PATJ: variants seen among roughly 807,000 people sequenced by gnomAD.
PATJ encodes inaD-like protein.
Under a neutral mutation model 224.9 loss-of-function variants are expected in PATJ, and 190 were observed. The observed-to-expected ratio is 0.84, with a 90% CI of 0.75 to 0.95. PATJ has a LOEUF of 0.95. Among genes scored for constraint, PATJ ranks in the 40% least tolerant of loss-of-function variants. The pLI, the probability that PATJ is intolerant of heterozygous loss-of-function variation, is 0.00. For synonymous variants in PATJ, 769 were observed against 820.3 expected (o/e 0.94, Z 1.07); for missense variants, 2,121 against 2,270.3 (o/e 0.93, Z 1.34).
chr1:62,146,526 T>C (rs780282155), intron 41 of PATJ, among the ~76,000 whole-genome samples: 23 of 152,038 alleles, frequency 1.5e-4, no homozygotes, highest in African/African-American at 5.3e-4. Context: ...CTGTAATCCC[T>C]GCACTCTGGG....
chr1:61,926,455 G>T (rs556892461), intron 26 of PATJ, among the ~76,000 whole-genome samples: 1 of 152,090 alleles, frequency 6.6e-6, no homozygotes, highest in Admixed American at 6.6e-5. Flanking sequence ...GGCTGTCTTT[G>T]TTCTGAGTAT....
chr1:62,012,347 C>T (rs1269753688), intron 28 of PATJ, among the ~76,000 whole-genome samples: 1 of 152,134 alleles, frequency 6.6e-6, no homozygotes, highest in Non-Finnish European at 1.5e-5. Flanking sequence ...AATCATACCC[C>T]AGTTGTTCTG....
chr1:61,883,650 G>A (rs758605064), intron 21 of PATJ, among the ~76,000 whole-genome samples: 112 of 151,726 alleles, frequency 7.4e-4, no homozygotes, highest in Non-Finnish European at 4.7e-4. Flanking sequence ...AGCTACTCAG[G>A]AGGCTGGGGC....
In PATJ at chr1:61,827,430, C is replaced by T; in HGVS notation, c.1827C>T (p.Gly609=). 6.2e-7 allele frequency: 1 copy of T among 1,613,784 alleles called. No individual in the cohort carries two copies. The highest frequency in any genetic ancestry group is 1.1e-5 in the South Asian group (1 of 91,018). Residue 609 remains glycine, a synonymous_variant, in exon 16 of 44, where the codon GGC becomes GGT. Coordinates refer to ENST00000642238, the MANE Select transcript of PATJ (RefSeq NM_001350145.3). ...QPEDELLEVN[G]MQLYGKSRRE... ...TCCCCTTGTCTTCCTAGGTCAATGGCATGCAGCTTTATGGAAAATCTCGCC... is the reference window on the plus strand; with the variant it reads ...TCCCCTTGTCTTCCTAGGTCAATGGTATGCAGCTTTATGGAAAATCTCGCC...
intron 33 of PATJ, among the ~76,000 whole-genome samples, chr1:62,098,307 C>T (rs562214412): frequency 1.1e-4 from 16 of 146,498 alleles, no homozygotes; most frequent in Admixed American, 2.1e-4. Context: ...TGCAGTGAGC[C>T]GAGATTGCAC....
intron 26 of PATJ, among the ~76,000 whole-genome samples, chr1:61,922,923 A>G: frequency 6.6e-6 from 1 of 152,270 alleles, no homozygotes; most frequent in East Asian, 1.9e-4. Flanking sequence ...TGAACTTGTT[A>G]CTACTCCAGC....
In PATJ at chr1:62,123,061, A is replaced by C. The variant is rs769202578; in HGVS notation, c.5043+3A>C. The C allele has an allele frequency of 6.3e-7, 1 of 1,592,066 alleles. No individual in the cohort carries two copies. Among genetic ancestry groups the C allele is most frequent in the Non-Finnish European group, 8.6e-7 (1 of 1,165,474 alleles). Reference sequence around the variant, plus strand: ...CAAGGACTGTTGAGATAAACAGGGTAAGTCAGTCATTTTGCTGTATGTATT... The same window carrying C: ...CAAGGACTGTTGAGATAAACAGGGTCAGTCAGTCATTTTGCTGTATGTATT... On this transcript the variant is annotated splice_donor_region_variant and intron_variant, in intron 39 of 43. Transcript: ENST00000642238.
At chr1:61,914,561 C>A (rs754279158) in intron 25 of PATJ, 26 bp from the exon 26 acceptor site, 3 of 1,140,684 alleles carry the variant, frequency 2.6e-6, no homozygotes, top group Non-Finnish European at 3.8e-6. Context: ...GTTTTCTTCC[C>A]CCCACCCCTT....
At chr1:61,753,024 C>G (rs538379756) in intron 1 of PATJ, among the ~76,000 whole-genome samples, 1 of 152,006 alleles carries the variant, frequency 6.6e-6, no homozygotes, top group East Asian at 1.9e-4. Flanking sequence ...GTTTGTTTTT[C>G]GTTTAATCAG....
intron 24 of PATJ, among the ~76,000 whole-genome samples, chr1:61,906,977 A>G (rs575255192): frequency 6.6e-6 from 1 of 152,202 alleles, no homozygotes; most frequent in South Asian, 2.1e-4. Context: ...AGTGGGAGGT[A>G]ATTGAATCAT....
chr1:62,101,587 C>T (rs1030086079), intron 33 of PATJ, among the ~76,000 whole-genome samples: 4 of 152,096 alleles, frequency 2.6e-5, no homozygotes, highest in Non-Finnish European at 5.9e-5. Flanking sequence ...TCTTAAGCAA[C>T]ATGATGAATT....
intron 11 of PATJ, among the ~76,000 whole-genome samples, chr1:61,798,715 G>T (rs914877258): frequency 1.3e-5 from 2 of 151,446 alleles, no homozygotes; most frequent in African/African-American, 4.8e-5. Flanking sequence ...AACATAGAGA[G>T]ACCCCTTCTC....
intron 34 of PATJ, among the ~76,000 whole-genome samples, chr1:62,113,698 A>C (rs1664118772): frequency 6.6e-6 from 1 of 152,196 alleles, no homozygotes; most frequent in African/African-American, 2.4e-5. Flanking sequence ...TGAATCTAAA[A>C]ATGCTGACTA....
rs201318912 is a variant in PATJ at position 62,088,938 on chromosome 1, CGTGT to C, written c.4377+4291_4377+4294del. Among the ~76,000 whole-genome samples the C allele has an allele frequency of 2.1e-3, 310 of 150,882 alleles. 8 individuals are homozygous for C. In the East Asian group the frequency reaches 0.049, roughly 24 times the overall value. On this transcript the variant is annotated intron_variant, in intron 33 of 43. Transcript: ENST00000642238. The stretch of plus-strand genomic sequence containing the variant: ...CATTGGGTGATGGCTGCTTCCAAGG[CGTGT>C]TTCCACACTTTCCCGAGGAGGTGTT...
intron 4 of PATJ, 43 bp downstream of exon 4, chr1:61,766,516 C>A: frequency 7.2e-7 from 1 of 1,392,716 alleles, no homozygotes; most frequent in Non-Finnish European, 9.8e-7. Flanking sequence ...CTTCATTTCT[C>A]CTGTTTTAGT....
At chr1:61,760,296 G>A (rs145546452) in intron 1 of PATJ, among the ~76,000 whole-genome samples, 91 of 152,172 alleles carry the variant, frequency 6.0e-4, no homozygotes, top group Admixed American at 1.2e-3. Flanking sequence ...ATCCGTTATT[G>A]GTTTTCAATA....
At chr1:62,109,400 C>T (rs761878115) in intron 34 of PATJ, among the ~76,000 whole-genome samples, 6 of 151,994 alleles carry the variant, frequency 3.9e-5, no homozygotes, top group African/African-American at 1.2e-4. Context: ...GAAACATAGG[C>T]GAGAAGGGGT....
chr1:61,917,065 G>A (rs1393621577), intron 26 of PATJ, among the ~76,000 whole-genome samples: 1 of 152,196 alleles, frequency 6.6e-6, no homozygotes, highest in East Asian at 1.9e-4. Flanking sequence ...TGTGGCTTCT[G>A]ACTGCATGAC....
At position 62,084,638 on chromosome 1, in the gene PATJ, A is replaced by T; in HGVS notation, c.4367A>T (p.Asp1456Val). The change falls in exon 33 of 44, where the codon GAC becomes GTC. Residue 1456 changes from aspartate (D) to valine (V), a missense_variant. Asp to Val is a radical substitution (Grantham distance 152, BLOSUM62 -3). Coordinates refer to ENST00000642238, the MANE Select transcript of PATJ (RefSeq NM_001350145.3). The part of the protein sequence containing the change: ...GLGLSIVGGK[D>V]TPLNAIVIHE... Reference sequence around the variant, plus strand: ...GGTCTCAGCATTGTGGGAGGAAAAGACACACCCTTGGTAAGTTTCTAGAAA... The same window carrying T: ...GGTCTCAGCATTGTGGGAGGAAAAGTCACACCCTTGGTAAGTTTCTAGAAA... 1 of 1,612,860 alleles carries T rather than the reference A, an allele frequency of 6.2e-7. No individual in the cohort carries two copies. The highest frequency in any genetic ancestry group is 2.2e-5 in the East Asian group (1 of 44,862).
Sources: allele counts gnomAD v4.1 joint callset (sites outside exome capture counted in the v4.1 genomes callset), GRCh38; gene constraint gnomAD v4.1.1; transcripts MANE v1.5; gene names NCBI Gene and HGNC (gene_info 2026-07-23, HGNC 2026-07-21).